Variants in PLD5 observed in about 807,000 individuals in gnomAD.
PLD5 encodes the protein phospholipase D family member 5, also known as inactive phospholipase D5.
PLD5 carries 36 observed loss-of-function variants against 61.1 expected under a neutral mutation model. That is an observed-to-expected ratio of 0.59 (90% confidence interval 0.45 to 0.78). PLD5 has a LOEUF of 0.78. PLD5 is among the 30% of genes least tolerant of loss of function. The pLI is 0.00. For missense variants in PLD5, 515 were observed against 644.4 expected (o/e 0.80, Z 2.17); for synonymous variants, 243 against 242.8 (o/e 1.00, Z -0.01).
intron 4 of PLD5, among the ~76,000 whole-genome samples, chr1:242,220,749 ATTTTT>A (rs1670532768): frequency 1.7e-5 from 2 of 116,364 alleles, no homozygotes; most frequent in African/African-American, 3.4e-5. Flanking sequence ...ATTTTATTTT[ATTTTT>A]GAGACAGAGT....
At chr1:242,094,282 C>T (rs1660058311) in intron 9 of PLD5, among the ~76,000 whole-genome samples, 1 of 152,158 alleles carries the variant, frequency 6.6e-6, no homozygotes. Flanking sequence ...TGAGTGCCTT[C>T]CATCCACCCG....
At chr1:242,095,313 G>A (rs146191564) in intron 9 of PLD5, among the ~76,000 whole-genome samples, 1 of 152,142 alleles carries the variant, frequency 6.6e-6, no homozygotes, top group East Asian at 1.9e-4. Context: ...GCTTACTGCA[G>A]CCTCTGTCTC....
intron 2 of PLD5, among the ~76,000 whole-genome samples, chr1:242,294,175 T>C (rs1675523510): frequency 6.6e-6 from 1 of 152,196 alleles, no homozygotes; most frequent in Non-Finnish European, 1.5e-5. Context: ...AAACTGGATA[T>C]ATAGGAATGC....
rs1018069468 is a variant in PLD5 at position 242,173,389 on chromosome 1, C to G, written c.735+46599G>C. On this transcript the variant is annotated intron_variant, in intron 5 of 9. Coordinates refer to ENST00000536534, the MANE Select transcript of PLD5 (RefSeq NM_001372062.1). ...AGGAGAACTACAAACCACTGTTCAACGAAATAAAAGAGGATACAAACAAAT... is the reference window on the plus strand; with the variant it reads ...AGGAGAACTACAAACCACTGTTCAAGGAAATAAAAGAGGATACAAACAAAT... Among the ~76,000 whole-genome samples the G allele has an allele frequency of 4.6e-5, 7 of 152,044 alleles. 1 individual carries two copies. The East Asian group carries it at 7.7e-4, about 17-fold the overall frequency.
intron 1 of PLD5, among the ~76,000 whole-genome samples, chr1:242,515,120 C>T (rs1216075530): frequency 6.6e-6 from 1 of 152,114 alleles, no homozygotes; most frequent in Non-Finnish European, 1.5e-5. Context: ...CAGAAGCCTC[C>T]TTCGTGCCCA....
chr1:242,219,114 C>T (rs1353696090), intron 5 of PLD5, among the ~76,000 whole-genome samples: 2 of 152,150 alleles, frequency 1.3e-5, no homozygotes, highest in East Asian at 1.9e-4. Flanking sequence ...AATTGTTAGC[C>T]TCAACTTTGG....
intron 2 of PLD5, among the ~76,000 whole-genome samples, chr1:242,298,849 C>T (rs1451902576): frequency 6.6e-6 from 1 of 152,064 alleles, no homozygotes; most frequent in African/African-American, 2.4e-5. Flanking sequence ...CAGAAAGGAA[C>T]AATCAGAAAG....
intron 9 of PLD5, among the ~76,000 whole-genome samples, chr1:242,094,038 C>T (rs1660041126): frequency 6.6e-6 from 1 of 152,130 alleles, no homozygotes; most frequent in Non-Finnish European, 1.5e-5. Flanking sequence ...TGCTCTTCTA[C>T]CTTTCACTTC....
intron 9 of PLD5, among the ~76,000 whole-genome samples, chr1:242,097,661 A>C (rs1264645469): frequency 6.6e-6 from 1 of 152,018 alleles, no homozygotes; most frequent in Non-Finnish European, 1.5e-5. Context: ...TTGTCAGATG[A>C]GTAGATTGCA....
chr1:242,124,386 A>G (rs1574342894), intron 6 of PLD5, 82 bp downstream of exon 6: 4 of 1,391,142 alleles, frequency 2.9e-6, no homozygotes, highest in East Asian at 4.6e-5. Flanking sequence ...GCCCAATACA[A>G]GATCACACTT....
At chr1:242,126,100 C>A (rs1245359775) in intron 5 of PLD5, among the ~76,000 whole-genome samples, 1 of 152,082 alleles carries the variant, frequency 6.6e-6, no homozygotes, top group Non-Finnish European at 1.5e-5. Flanking sequence ...CAGGCATGTG[C>A]AAAAGGACTG....
At chr1:242,248,616 A>G (rs1228503559) in intron 4 of PLD5, among the ~76,000 whole-genome samples, 6 of 151,872 alleles carry the variant, frequency 4.0e-5, no homozygotes, top group Non-Finnish European at 8.8e-5. Context: ...CAAAGGCTGA[A>G]GGGAGCTCAT....
At chr1:242,178,577 G>A (rs1441582453) in intron 5 of PLD5, among the ~76,000 whole-genome samples, 3 of 152,196 alleles carry the variant, frequency 2.0e-5, no homozygotes, top group East Asian at 1.9e-4. Flanking sequence ...ACAAGATGGT[G>A]TTGTTGCAAT....
At chr1:242,262,963 CTAGGT>C (rs2149099637) in intron 4 of PLD5, among the ~76,000 whole-genome samples, 1 of 152,140 alleles carries the variant, frequency 6.6e-6, no homozygotes, top group East Asian at 1.9e-4. Context: ...TTCATGAGGG[CTAGGT>C]TTCAAAAGCA....
At chr1:242,475,377 T>G (rs559442187) in intron 1 of PLD5, among the ~76,000 whole-genome samples, 2 of 134,966 alleles carry the variant, frequency 1.5e-5, no homozygotes, top group African/African-American at 2.9e-5. Context: ...GAGCCGAGAT[T>G]GCGCCACTGC....
Position 242,493,305 on chromosome 1 carries a change from C to G in PLD5, c.189+30783G>C, listed in dbSNP as rs551652919. Among the ~76,000 whole-genome samples, 5 of 152,264 alleles carry G rather than the reference C, an allele frequency of 3.3e-5. No individual in the cohort carries two copies. In the South Asian group the frequency reaches 1.0e-3, roughly 32 times the overall value. Reference sequence around the variant, plus strand: ...AAAAAGAAAAAACTGGGAAACCCCACAAGATGAAGGGGTTGGCCCACAAGC... The same window carrying G: ...AAAAAGAAAAAACTGGGAAACCCCAGAAGATGAAGGGGTTGGCCCACAAGC... On this transcript the variant is annotated intron_variant, in intron 1 of 9. Coordinates refer to ENST00000536534, the MANE Select transcript of PLD5 (RefSeq NM_001372062.1).
chr1:242,315,978 G>A lies in PLD5; in HGVS notation c.327-27448C>T, dbSNP rs542835536. Among the ~76,000 whole-genome samples, 3 of 152,282 alleles carry A rather than the reference G, an allele frequency of 2.0e-5. No homozygotes were observed. The South Asian group carries it at 6.2e-4, about 32-fold the overall frequency. The stretch of plus-strand genomic sequence containing the variant: ...AGTGGCTTGGGTCCTGAAGTCAAAT[G>A]GGCCTGGGCTTGAATCCTCGGTCAG... On this transcript the variant is annotated intron_variant, in intron 2 of 9. Coordinates refer to ENST00000536534, the MANE Select transcript of PLD5 (RefSeq NM_001372062.1).
chr1:242,505,639 G>A (rs879432009), intron 1 of PLD5, among the ~76,000 whole-genome samples: 3 of 152,142 alleles, frequency 2.0e-5, no homozygotes, highest in Non-Finnish European at 4.4e-5. Context: ...CCATGTGATG[G>A]ACCAGAGAAA....
At chr1:242,311,119 T>C (rs2149173774) in intron 2 of PLD5, among the ~76,000 whole-genome samples, 1 of 152,054 alleles carries the variant, frequency 6.6e-6, no homozygotes, top group South Asian at 2.1e-4. Flanking sequence ...GAAACATGAA[T>C]ATCCACACTA....
Sources: gnomAD v4.1 joint callset for allele counts (sites outside exome capture counted in the v4.1 genomes callset) on GRCh38, gnomAD v4.1.1 for gene constraint, MANE v1.5 for transcripts, NCBI Gene and HGNC (gene_info 2026-07-23, HGNC 2026-07-21) for gene names.